DMD: variants seen among roughly 807,000 people sequenced by gnomAD.
DMD encodes the protein mutant dystrophin.
DMD carries 63 observed loss-of-function variants against 330.1 expected under a neutral mutation model. The ratio of observed to expected loss-of-function variants is 0.19; its 90% CI spans 0.16 to 0.24. The LOEUF (loss-of-function observed/expected upper bound fraction) is 0.24, where lower values mean the gene tolerates loss of function less well. Ranked by LOEUF, DMD falls within the 10% of genes least tolerant of loss-of-function variation. The pLI, the probability that DMD is intolerant of heterozygous loss-of-function variation, is 1.00. For synonymous variants in DMD, 1,223 were observed against 959.8 expected (o/e 1.27, Z -5.07); for missense variants, 3,344 against 2,684.1 (o/e 1.25, Z -5.43).
chrX:31,954,718 GGT>G (rs1184761591), intron 45 of DMD, among the ~76,000 whole-genome samples: 1 of 110,490 alleles, frequency 9.1e-6, no homozygotes, highest in African/African-American at 3.3e-5. Flanking sequence ...CTACCTTGGT[GGT>G]TACCAGAGAT....
Position 32,913,570 on chromosome X carries a change from A to T in DMD, c.94-63750T>A, listed in dbSNP as rs1006656446. Among the ~76,000 whole-genome samples the T allele has an allele frequency of 4.5e-5, 5 of 112,082 alleles. No homozygotes were observed. The East Asian group carries it at 8.5e-4, about 19-fold the overall frequency. On this transcript the variant is annotated intron_variant, in intron 2 of 78. Coordinates refer to ENST00000357033, the MANE Select transcript of DMD (RefSeq NM_004006.3). Reference sequence around the variant, plus strand: ...GAGACACGTTGTCAAAGAAGACCATAGCACTAGGTAATTGGGAAATCCAGT... The same window carrying T: ...GAGACACGTTGTCAAAGAAGACCATTGCACTAGGTAATTGGGAAATCCAGT...
chrX:31,641,516 A>G (rs931567794), intron 54 of DMD, among the ~76,000 whole-genome samples: 44 of 109,391 alleles, frequency 4.0e-4, no homozygotes, highest in Non-Finnish European at 6.7e-4. Context: ...AAAAAAAAAA[A>G]AAAAAAGGAA....
At chrX:33,277,269 G>T (rs958539472) in intron 1 of DMD, among the ~76,000 whole-genome samples, 7 of 111,283 alleles carry the variant, frequency 6.3e-5, no homozygotes, top group South Asian at 7.5e-4. Flanking sequence ...GCTGGGTGAG[G>T]GAGGAGTGTG....
At chrX:31,678,884 T>G (rs2082226701) in intron 53 of DMD, among the ~76,000 whole-genome samples, 1 of 111,732 alleles carries the variant, frequency 8.9e-6, no homozygotes, top group Non-Finnish European at 1.9e-5. Context: ...TAAACAAAAT[T>G]AACTTTAACA....
intron 57 of DMD, among the ~76,000 whole-genome samples, chrX:31,486,235 T>C (rs1217333800): frequency 8.9e-6 from 1 of 112,633 alleles, no homozygotes; most frequent in Non-Finnish European, 1.9e-5. Flanking sequence ...TGGCATATAG[T>C]AAATGCTCAG....
intron 62 of DMD, among the ~76,000 whole-genome samples, chrX:31,266,159 C>CAAAAAAAAAAAAAAAAAAAAAAAAAAAAA (rs1174153877): frequency 7.5e-5 from 1 of 13,331 alleles, no homozygotes; most frequent in African/African-American, 3.7e-4. Context: ...TCCCGAAGGG[C>CAAAAAAAAAAAAAAAAAAAAAAAAAAAAA]AAAAAAAAAA....
intron 18 of DMD, among the ~76,000 whole-genome samples, chrX:32,510,986 GTATGTACATA>G (rs2045239390): frequency 9.1e-6 from 1 of 109,533 alleles, no homozygotes; most frequent in Non-Finnish European, 1.9e-5. Context: ...CTATGTGTGT[GTATGTACATA>G]TATGTACATA....
chrX:31,853,320 C>T (rs760408027), intron 48 of DMD, among the ~76,000 whole-genome samples: 1 of 112,806 alleles, frequency 8.9e-6, no homozygotes, highest in Non-Finnish European at 1.9e-5. Flanking sequence ...AATACATGAA[C>T]AAATAAATGT....
intron 7 of DMD, among the ~76,000 whole-genome samples, chrX:32,745,566 A>G (rs779256233): frequency 8.9e-6 from 1 of 112,577 alleles, no homozygotes; most frequent in East Asian, 2.8e-4. Context: ...TACAGCTTCA[A>G]TACTGCTTGT....
intron 44 of DMD, among the ~76,000 whole-genome samples, chrX:32,052,191 T>A (rs4829241): frequency 0.17 from 18,791 of 110,372 alleles, 2,096 homozygotes; most frequent in African/African-American, 0.38. Flanking sequence ...ATCTTAAGGT[T>A]CACTTTTCAC....
intron 42 of DMD, among the ~76,000 whole-genome samples, chrX:32,296,120 G>A (rs909546435): frequency 8.9e-6 from 1 of 112,198 alleles, no homozygotes; most frequent in South Asian, 3.7e-4. Flanking sequence ...AGCCGGGCGC[G>A]GTGGCTCACG....
chrX:33,175,100 G>A (rs1265469105), intron 1 of DMD, among the ~76,000 whole-genome samples: 2 of 112,102 alleles, frequency 1.8e-5, no homozygotes, highest in Admixed American at 9.5e-5. Context: ...CAAAATATAT[G>A]AGATATAGCC....
rs1447793326 is a variant in DMD at position 32,945,619 on chromosome X, T to C, written c.93+74520A>G. Among the ~76,000 whole-genome samples the C allele has an allele frequency of 2.7e-5, 3 of 111,801 alleles. No homozygotes were observed. In the East Asian group the frequency reaches 8.4e-4, roughly 31 times the overall value. On this transcript the variant is annotated intron_variant, in intron 2 of 78. Transcript: ENST00000357033. Reference sequence around the variant, plus strand: ...TGAGGATACCTTCAATATTTCAACATTGATCACAGAGTTGGCTCTTGTTTT... The same window carrying C: ...TGAGGATACCTTCAATATTTCAACACTGATCACAGAGTTGGCTCTTGTTTT...
chrX:31,430,072 T>C (rs765359247), intron 60 of DMD, among the ~76,000 whole-genome samples: 39 of 111,101 alleles, frequency 3.5e-4, no homozygotes, highest in Non-Finnish European at 5.8e-4. Flanking sequence ...TTGTATTTTA[T>C]TACCTAAAAT....
At chrX:32,612,562 T>C (rs958108679) in intron 12 of DMD, among the ~76,000 whole-genome samples, 3 of 111,546 alleles carry the variant, frequency 2.7e-5, no homozygotes, top group Non-Finnish European at 5.7e-5. Flanking sequence ...CACCCCTGGT[T>C]TATATAGACA....
At chrX:31,714,265 T>C (rs760425351) in intron 52 of DMD, among the ~76,000 whole-genome samples, 2 of 111,692 alleles carry the variant, frequency 1.8e-5, no homozygotes, top group African/African-American at 6.5e-5. Flanking sequence ...TATTCACTGC[T>C]GTACATATTG....
At chrX:31,651,231 T>C (rs1355877890) in intron 54 of DMD, among the ~76,000 whole-genome samples, 2 of 111,715 alleles carry the variant, frequency 1.8e-5, no homozygotes, top group East Asian at 2.8e-4. Context: ...TGCATTCTAC[T>C]TGACACATTT....
At chrX:31,516,284 A>T (rs2072191900) in intron 55 of DMD, among the ~76,000 whole-genome samples, 1 of 109,469 alleles carries the variant, frequency 9.1e-6, no homozygotes, top group Non-Finnish European at 1.9e-5. Flanking sequence ...AGCGCAAAAA[A>T]AAAAAAAAAA....
chrX:32,851,077 G>A (rs1222981820), intron 2 of DMD, among the ~76,000 whole-genome samples: 1 of 111,904 alleles, frequency 8.9e-6, no homozygotes, highest in African/African-American at 3.2e-5. Flanking sequence ...TTGGGTGACT[G>A]TGCTCTTTAC....
Sources: gnomAD v4.1 joint callset for allele counts (sites outside exome capture counted in the v4.1 genomes callset) on GRCh38, gnomAD v4.1.1 for gene constraint, MANE v1.5 for transcripts, NCBI Gene and HGNC (gene_info 2026-07-23, HGNC 2026-07-21) for gene names.